CFAP299: variants seen among roughly 807,000 people sequenced by gnomAD.
The protein encoded by CFAP299 is cilia- and flagella-associated protein 299.
CFAP299 carries 21 observed loss-of-function variants against 27.0 expected under a neutral mutation model. The ratio of observed to expected loss-of-function variants is 0.78; its 90% CI spans 0.55 to 1.12. The LOEUF is 1.12. CFAP299 is among the 50% of genes most tolerant of loss of function. The pLI is 0.00. For synonymous variants in CFAP299, 104 were observed against 98.1 expected (o/e 1.06, Z -0.36); for missense variants, 310 against 276.6 (o/e 1.12, Z -0.86).
intron 2 of CFAP299, among the ~76,000 whole-genome samples, chr4:80,416,472 G>A (rs1039049): frequency 0.98 from 149,959 of 152,316 alleles, 73,823 homozygotes; most frequent in East Asian, 1. Context: ...CAATTTTACC[G>A]TAAGTGTAAA....
At chr4:80,324,299 C>T in the CFAP299 span, among the ~76,000 whole-genome samples, 7 of 152,220 alleles carry the variant, frequency 4.6e-5, 1 homozygote, top group South Asian at 1.2e-3. Flanking sequence ...TATGAAAGAA[C>T]GTGGGAGTAT....
chr4:80,798,111 C>T (rs1051841047), intron 3 of CFAP299, among the ~76,000 whole-genome samples: 2 of 152,040 alleles, frequency 1.3e-5, no homozygotes, highest in African/African-American at 4.8e-5. Flanking sequence ...TTAGAAAACT[C>T]AAGCAGTTCT....
At chr4:80,556,207 C>A (rs114819142) in intron 2 of CFAP299, among the ~76,000 whole-genome samples, 60 of 152,102 alleles carry the variant, frequency 3.9e-4, no homozygotes, top group African/African-American at 1.3e-3. Context: ...GCACAATCTC[C>A]AAAGTTATCA....
intron 2 of CFAP299, among the ~76,000 whole-genome samples, chr4:80,562,631 C>A (rs1735089764): frequency 6.7e-6 from 1 of 149,640 alleles, no homozygotes; most frequent in Admixed American, 6.7e-5. Flanking sequence ...ACACTCCAGC[C>A]TAGGCAATAC....
chr4:80,783,728 T>C (rs535413193), intron 3 of CFAP299, among the ~76,000 whole-genome samples: 1 of 152,336 alleles, frequency 6.6e-6, no homozygotes, highest in South Asian at 2.1e-4. Flanking sequence ...TTTTTTGTTT[T>C]TAGGAATCTT....
At chr4:80,737,192 T>C (rs540202726) in intron 3 of CFAP299, among the ~76,000 whole-genome samples, 73 of 150,518 alleles carry the variant, frequency 4.8e-4, no homozygotes, top group Middle Eastern at 3.4e-3. Flanking sequence ...AGGGATAGCA[T>C]TGGGAGATGT....
chr4:80,579,761 C>T (rs1736072234), intron 2 of CFAP299, among the ~76,000 whole-genome samples: 1 of 151,990 alleles, frequency 6.6e-6, no homozygotes, highest in South Asian at 2.1e-4. Flanking sequence ...AAACTGACCA[C>T]ATGATACTAT....
chr4:80,909,969 A>T (rs528176707), intron 4 of CFAP299, among the ~76,000 whole-genome samples: 4 of 152,282 alleles, frequency 2.6e-5, no homozygotes, highest in East Asian at 3.9e-4. Context: ...TATTGCTTGA[A>T]TTAACTCATG....
At chr4:80,421,191 A>G (rs114421593) in intron 2 of CFAP299, among the ~76,000 whole-genome samples, 196 of 152,298 alleles carry the variant, frequency 1.3e-3, no homozygotes, top group African/African-American at 4.5e-3. Flanking sequence ...ACCTTTTATT[A>G]TATGATCTGT....
At chr4:80,340,112 C>G (rs557867439) in intron 1 of CFAP299, among the ~76,000 whole-genome samples, 1 of 152,284 alleles carries the variant, frequency 6.6e-6, no homozygotes, top group South Asian at 2.1e-4. Flanking sequence ...GAATTTGGCA[C>G]CTTCAACTGA....
chr4:80,963,415 G>GTTT, intron 5 of CFAP299, 102 bp from the exon 6 acceptor site: 2 of 607,824 alleles, frequency 3.3e-6, no homozygotes, highest in South Asian at 2.1e-5. Flanking sequence ...AAACTTGCTA[G>GTTT]TTTTTTTTTC....
intron 2 of CFAP299, among the ~76,000 whole-genome samples, chr4:80,437,520 C>G (rs1237819266): frequency 6.6e-6 from 1 of 152,166 alleles, no homozygotes; most frequent in Non-Finnish European, 1.5e-5. Context: ...ACCCTGTACA[C>G]TTACTGAGTC....
At chr4:80,647,094 C>A (rs114505473) in intron 3 of CFAP299, among the ~76,000 whole-genome samples, 1 of 151,448 alleles carries the variant, frequency 6.6e-6, no homozygotes, top group Non-Finnish European at 1.5e-5. Flanking sequence ...TATAGATAAA[C>A]CTCAAGTATT....
At chr4:80,884,169 A>G (rs1398840634) in intron 4 of CFAP299, among the ~76,000 whole-genome samples, 1 of 152,228 alleles carries the variant, frequency 6.6e-6, no homozygotes, top group Non-Finnish European at 1.5e-5. Context: ...GAAAGAAAAC[A>G]GCAGACTTGA....
chr4:80,684,634 GTCATTATAGTA>G (rs1720068819), intron 3 of CFAP299, among the ~76,000 whole-genome samples: 1 of 152,046 alleles, frequency 6.6e-6, no homozygotes, highest in South Asian at 2.1e-4. Flanking sequence ...GAATCAAAGA[GTCATTATAGTA>G]TCTAAACTAG....
chr4:80,872,599 A>C (rs1404067608), intron 4 of CFAP299: 1 of 152,162 alleles, frequency 6.6e-6, no homozygotes, highest in Non-Finnish European at 1.5e-5. Context: ...GAAATACTGC[A>C]TAAGTGATCT....
At chr4:80,858,012 A>T (rs1027928886) in intron 3 of CFAP299, among the ~76,000 whole-genome samples, 11 of 152,228 alleles carry the variant, frequency 7.2e-5, no homozygotes, top group African/African-American at 2.6e-4. Flanking sequence ...CTCTGGTAGA[A>T]TTCGGCTGTG....
At chr4:80,508,913 C>A (rs1732161041) in intron 2 of CFAP299, among the ~76,000 whole-genome samples, 1 of 152,082 alleles carries the variant, frequency 6.6e-6, no homozygotes, top group Non-Finnish European at 1.5e-5. Context: ...CCAGAACGGG[C>A]CAAATGACAG....
At chr4:80,525,976 T>A (rs1464331312) in intron 2 of CFAP299, among the ~76,000 whole-genome samples, 1 of 152,168 alleles carries the variant, frequency 6.6e-6, no homozygotes, top group African/African-American at 2.4e-5. Flanking sequence ...TTAAAAATCT[T>A]AGTGAAGGAA....
Sources: allele counts gnomAD v4.1 joint callset (sites outside exome capture counted in the v4.1 genomes callset), GRCh38; gene constraint gnomAD v4.1.1; transcripts MANE v1.5; gene names NCBI Gene and HGNC (gene_info 2026-07-23, HGNC 2026-07-21).